M1AP: variants seen among roughly 807,000 people sequenced by gnomAD.
The protein encoded by M1AP is meiosis 1 associated protein, also known as meiosis 1 arrest protein.
Under a neutral mutation model 51.2 loss-of-function variants are expected in M1AP, and 39 were observed. That is an observed-to-expected ratio of 0.76 (90% CI 0.59 to 1.00). The LOEUF is 1.00. M1AP is among the 50% of genes least tolerant of loss of function. The pLI is 0.00. For synonymous variants in M1AP, 251 were observed against 249.2 expected (o/e 1.01, Z -0.07); for missense variants, 545 against 641.2 (o/e 0.85, Z 1.62).
At chr2:74,561,939 CAGTCAT>C in intron 8 of M1AP, 1 of 985,408 alleles carries the variant, frequency 1.0e-6, no homozygotes, top group African/African-American at 1.7e-5. Context: ...CTCTAATTCC[CAGTCAT>C]CACTGATGCC....
At chr2:74,574,274 T>C (rs559859357) in intron 7 of M1AP, among the ~76,000 whole-genome samples, 1 of 152,346 alleles carries the variant, frequency 6.6e-6, no homozygotes, top group African/African-American at 2.4e-5. Context: ...ATTTTTTCCA[T>C]TTCAGGGAAT....
intron 7 of M1AP, among the ~76,000 whole-genome samples, chr2:74,573,001 G>A (rs1025461085): frequency 2.6e-5 from 4 of 152,048 alleles, no homozygotes; most frequent in East Asian, 1.9e-4. Flanking sequence ...CTCTAATCTC[G>A]TGTATGTAAG....
At chr2:74,582,387 A>T (rs1160691793) in intron 4 of M1AP, among the ~76,000 whole-genome samples, 1 of 152,250 alleles carries the variant, frequency 6.6e-6, no homozygotes, top group Non-Finnish European at 1.5e-5. Flanking sequence ...AAGCAGTTCA[A>T]ATCCCCTCAA....
At chr2:74,609,646 T>C (rs972648802) in intron 3 of M1AP, among the ~76,000 whole-genome samples, 1 of 152,242 alleles carries the variant, frequency 6.6e-6, no homozygotes, top group Admixed American at 6.5e-5. Flanking sequence ...TTGTTCTCCA[T>C]AGTGGCTGTA....
intron 4 of M1AP, among the ~76,000 whole-genome samples, chr2:74,591,662 A>C (rs1224547570): frequency 6.6e-6 from 1 of 152,220 alleles, no homozygotes; most frequent in Non-Finnish European, 1.5e-5. Context: ...GAACTGAAAG[A>C]AAGAGCTGCC....
intron 7 of M1AP, among the ~76,000 whole-genome samples, chr2:74,565,278 G>A (rs1001735858): frequency 6.6e-6 from 1 of 151,974 alleles, no homozygotes; most frequent in Non-Finnish European, 1.5e-5. Flanking sequence ...CTAGGTGTGG[G>A]TACACAGAAC....
In M1AP at chr2:74,607,223, T is replaced by C; in HGVS notation, c.427A>G (p.Ile143Val). The C allele has an allele frequency of 1.2e-6, 2 of 1,613,874 alleles. No individual in the cohort carries two copies. The highest frequency in any genetic ancestry group is 1.7e-6 in the Non-Finnish European group (2 of 1,179,826). ...CCAGGCTGAGAAGTCAGAATAGTAATCTGAAAATAAATCCAAGAATCAATG... is the reference window on the plus strand; with the variant it reads ...CCAGGCTGAGAAGTCAGAATAGTAACCTGAAAATAAATCCAAGAATCAATG... The part of the protein sequence containing the change: ...RAALTYTSLE[I>V]TILTSQPGKE... Residue 143 changes from isoleucine to valine, a missense_variant and splice_region_variant, in exon 4 of 11, where the codon ATT becomes GTT. Ile to Val is a conservative substitution (Grantham distance 29). Coordinates refer to ENST00000421985, the MANE Select transcript of M1AP (RefSeq NM_001321739.2).
intron 5 of M1AP, among the ~76,000 whole-genome samples, chr2:74,579,001 C>T (rs1679248155): frequency 6.6e-6 from 1 of 152,142 alleles, no homozygotes; most frequent in African/African-American, 2.4e-5. Flanking sequence ...CCTAATTTCC[C>T]CAGACCTCAT....
In M1AP at chr2:74,577,803, A is replaced by C. The variant is rs567928472; in HGVS notation, c.770-1185T>G. On this transcript the variant is annotated intron_variant, in intron 5 of 10. Transcript: ENST00000421985. ...CCTGACTTCTCCATTTCCGGTCCTG[A>C]GGCTTTAGGACTGGACAGCTGTGTT... 1.9e-3 allele frequency among the ~76,000 whole-genome samples: 291 copies of C among 152,214 alleles called. 1 individual carries two copies. Among genetic ancestry groups the C allele is most frequent in the African/African-American group, 6.9e-3 (287 of 41,516 alleles).
At chr2:74,629,278 G>C (rs901481125) in intron 2 of M1AP, among the ~76,000 whole-genome samples, 5 of 152,038 alleles carry the variant, frequency 3.3e-5, no homozygotes, top group African/African-American at 1.2e-4. Flanking sequence ...CTTTTAATGT[G>C]ACACTGGATT....
chr2:74,634,523 C>A (rs574996431), intron 2 of M1AP, among the ~76,000 whole-genome samples: 1 of 152,280 alleles, frequency 6.6e-6, no homozygotes, highest in African/African-American at 2.4e-5. Flanking sequence ...AATTTCATTT[C>A]TTCGTGTCCA....
chr2:74,639,947 A>AT, intron 2 of M1AP, 89 bp downstream of exon 2: 1 of 1,159,646 alleles, frequency 8.6e-7, no homozygotes, highest in Non-Finnish European at 1.3e-6. Flanking sequence ...GGTTATTGTT[A>AT]TAAGTATTAA....
intron 5 of M1AP, among the ~76,000 whole-genome samples, chr2:74,578,659 C>T (rs992724537): frequency 5.9e-5 from 9 of 152,098 alleles, no homozygotes; most frequent in Non-Finnish European, 1.3e-4. Flanking sequence ...AGAAAAGAAA[C>T]TCATGTGTAA....
At chr2:74,565,895 C>T (rs1678354829) in intron 7 of M1AP, among the ~76,000 whole-genome samples, 1 of 151,264 alleles carries the variant, frequency 6.6e-6, no homozygotes, top group Admixed American at 6.6e-5. Flanking sequence ...AACACCCTTA[C>T]ATAATAAAAA....
intron 2 of M1AP, among the ~76,000 whole-genome samples, chr2:74,633,034 C>A (rs1376869320): frequency 6.6e-6 from 1 of 152,056 alleles, no homozygotes; most frequent in African/African-American, 2.4e-5. Context: ...CTTTCTCTAC[C>A]CTATTTTGTG....
intron 2 of M1AP, 117 bp downstream of exon 2, chr2:74,639,919 T>A: frequency 1.2e-6 from 1 of 868,210 alleles, no homozygotes; most frequent in Non-Finnish European, 1.8e-6. Flanking sequence ...GGGGCTACTG[T>A]GTGTGGAGAA....
At chr2:74,576,664 A>G (rs1376486432) in intron 5 of M1AP, 46 bp from the exon 6 acceptor site, 2 of 1,598,490 alleles carry the variant, frequency 1.3e-6, no homozygotes, top group Non-Finnish European at 1.7e-6. Flanking sequence ...CAATTGGAGG[A>G]AGGATTGTGG....
chr2:74,559,692 A>G lies in M1AP; in HGVS notation c.1434+6T>C, dbSNP rs1162004255. 1 of 718,430 alleles carries G rather than the reference A, an allele frequency of 1.4e-6. No homozygotes were observed. The highest frequency in any genetic ancestry group is 2.6e-6 in the Non-Finnish European group (1 of 384,952). 44.5% of individuals were successfully genotyped at this position (718,430 alleles called of 1,614,324 possible). Reference sequence around the variant, plus strand: ...TTTCCTCATCTGTAAATGAGCAAACACTTACCTTGCAGGGATGCTGTGAGG... The same window carrying G: ...TTTCCTCATCTGTAAATGAGCAAACGCTTACCTTGCAGGGATGCTGTGAGG... On this transcript the variant is annotated splice_donor_region_variant and intron_variant, in intron 10 of 10. Coordinates refer to ENST00000421985, the MANE Select transcript of M1AP (RefSeq NM_001321739.2).
At chr2:74,564,896 G>A (rs755954583) in intron 7 of M1AP, among the ~76,000 whole-genome samples, 7 of 152,066 alleles carry the variant, frequency 4.6e-5, no homozygotes, top group Admixed American at 3.3e-4. Context: ...ACATTGATTC[G>A]TGCATTTACT....
Sources: allele counts gnomAD v4.1 joint callset (sites outside exome capture counted in the v4.1 genomes callset), GRCh38; gene constraint gnomAD v4.1.1; transcripts MANE v1.5; gene names NCBI Gene and HGNC (gene_info 2026-07-23, HGNC 2026-07-21).